HTT: variants seen among roughly 807,000 people sequenced by gnomAD.
HTT encodes the protein huntington disease protein.
A neutral mutation model predicts 362.3 loss-of-function variants in HTT; 104 were observed. That is an observed-to-expected ratio of 0.29 (90% CI 0.24 to 0.34). The LOEUF (loss-of-function observed/expected upper bound fraction) is 0.34. Ranked by LOEUF, HTT falls within the 10% of genes least tolerant of loss-of-function variation. HTT has a pLI of 1.00. For missense variants in HTT, 3,301 were observed against 3,928.6 expected (o/e 0.84, Z 4.27); for synonymous variants, 1,577 against 1,548.7 (o/e 1.02, Z -0.43).
chr4:3,186,507 T>C (rs1488622750), intron 37 of HTT, 90 bp from the exon 38 acceptor site: 3 of 1,399,938 alleles, frequency 2.1e-6, no homozygotes, highest in African/African-American at 1.4e-5. Context: ...ATGATTATGA[T>C]GATTTGCCCT....
chr4:3,125,530 T>G lies in HTT; in HGVS notation c.1322-19T>G, dbSNP rs1429614465. The G allele has an allele frequency of 1.9e-6, 3 of 1,574,426 alleles. No individual in the cohort carries two copies. Among genetic ancestry groups the G allele is most frequent in the Non-Finnish European group, 2.6e-6 (3 of 1,144,412 alleles). On this transcript the variant is annotated intron_variant, in intron 10 of 66. Transcript: ENST00000355072. ...TATTTTTAGCAAACTAAAAGGAATG[T>G]TGGTACATTATTTACTAGGCAAAGT...
At chr4:3,131,855 T>A (rs1578523075) in intron 16 of HTT, 80 bp downstream of exon 16, 5 of 1,386,986 alleles carry the variant, frequency 3.6e-6, no homozygotes, top group Non-Finnish European at 5.0e-6. Flanking sequence ...TATTTTAGTT[T>A]TAGAGCAGTA....
chr4:3,112,097 C>A (rs1413707425), intron 6 of HTT, among the ~76,000 whole-genome samples: 1 of 152,190 alleles, frequency 6.6e-6, no homozygotes, highest in Non-Finnish European at 1.5e-5. Flanking sequence ...TCTGTTCTTT[C>A]TGTTCGTGTA....
rs779366537 is a variant in HTT at position 3,224,121 on chromosome 4, G to A, written c.7755G>A (p.Pro2585=). Residue 2585 remains proline, a synonymous_variant, in exon 56 of 67, where the codon CCG becomes CCA. Coordinates refer to ENST00000355072, the MANE Select transcript of HTT (RefSeq NM_001388492.1). ...GGGATCCTGTCCCTTCTCTGTCTCCGGCTACTACAGGTACCTGAGGGAAAG... is the reference window on the plus strand; with the variant it reads ...GGGATCCTGTCCCTTCTCTGTCTCCAGCTACTACAGGTACCTGAGGGAAAG... The part of the protein sequence containing the change: ...QAWDPVPSLS[P]ATTGALISHE... The A allele has an allele frequency of 1.9e-4, 299 of 1,613,774 alleles. 1 individual carries two copies. Among genetic ancestry groups the A allele is most frequent in the Middle Eastern group, 1.2e-3 (7 of 6,080 alleles).
intron 46 of HTT, 116 bp from the exon 47 acceptor site, chr4:3,209,711 C>A: frequency 7.8e-7 from 1 of 1,275,568 alleles, no homozygotes; most frequent in Non-Finnish European, 1.1e-6. Context: ...CGGCCGGCAG[C>A]CCTCTCAGCC....
At chr4:3,090,162 GGTTATA>G (rs1410257485) in intron 2 of HTT, among the ~76,000 whole-genome samples, 1 of 152,108 alleles carries the variant, frequency 6.6e-6, no homozygotes, top group Non-Finnish European at 1.5e-5. Context: ...TCTCTAATGA[GGTTATA>G]TAAATGGCAG....
chr4:3,203,935 C>T (rs1174951038), intron 41 of HTT, 72 bp from the exon 42 acceptor site: 1 of 1,426,720 alleles, frequency 7.0e-7, no homozygotes, highest in East Asian at 2.3e-5. Context: ...TAAACATAAT[C>T]ATCTTCAGTA....
chr4:3,132,975 A>T, intron 18 of HTT, 64 bp downstream of exon 18: 3 of 1,190,112 alleles, frequency 2.5e-6, no homozygotes, highest in Non-Finnish European at 3.8e-6. Flanking sequence ...TGCTACAATT[A>T]AAATTGGAGC....
At chr4:3,142,657 G>A (rs1349187363) in intron 22 of HTT, 109 bp from the exon 23 acceptor site, 3 of 566,794 alleles carry the variant, frequency 5.3e-6, no homozygotes, top group Non-Finnish European at 9.2e-6. Context: ...TAAAAGTTGA[G>A]ACTGCTTAAC....
At chr4:3,147,099 A>G in intron 25 of HTT, 151 bp downstream of exon 25, 1 of 788,878 alleles carries the variant, frequency 1.3e-6, no homozygotes, top group Non-Finnish European at 2.2e-6. Flanking sequence ...TGTTACCTAT[A>G]TGCATAAACA....
intron 52 of HTT, among the ~76,000 whole-genome samples, chr4:3,219,047 G>C (rs1174694335): frequency 6.6e-6 from 1 of 152,230 alleles, no homozygotes; most frequent in African/African-American, 2.4e-5. Context: ...AGGGAATGAA[G>C]GTATTCCAGA....
chr4:3,133,300 G>A (rs1383283379), intron 18 of HTT, among the ~76,000 whole-genome samples: 7 of 148,258 alleles, frequency 4.7e-5, no homozygotes, highest in Non-Finnish European at 8.9e-5. Flanking sequence ...GGGCAACATA[G>A]TTGACCCTGT....
At chr4:3,225,016 G>A (rs979400743) in intron 56 of HTT, among the ~76,000 whole-genome samples, 1 of 152,186 alleles carries the variant, frequency 6.6e-6, no homozygotes. Flanking sequence ...CAGGGAAGGG[G>A]GCGTGGAGGC....
intron 33 of HTT, among the ~76,000 whole-genome samples, chr4:3,175,826 G>C (rs363137): frequency 6.6e-6 from 1 of 152,136 alleles, no homozygotes; most frequent in African/African-American, 2.4e-5. Flanking sequence ...ACTTTCTTAT[G>C]TGGGGTAGGA....
intron 61 of HTT, among the ~76,000 whole-genome samples, chr4:3,234,430 A>G (rs1191295900): frequency 6.6e-6 from 1 of 152,254 alleles, no homozygotes; most frequent in Non-Finnish European, 1.5e-5. Flanking sequence ...GCCAAGTCAC[A>G]CGGGGCACAG....
rs138886853 is a variant in HTT at position 3,107,455 on chromosome 4, G to C, written c.747+32G>C. 1.9e-6 allele frequency: 3 copies of C among 1,611,352 alleles called. No individual in the cohort carries two copies. The African/African-American group carries it at 4.0e-5, about 21-fold the overall frequency. ...TTGTTGCCTCAGGTCACAAACATGC[G>C]AGTGATGCTGTGAGTGAGTCTGTGG... On this transcript the variant is annotated intron_variant, in intron 6 of 66. Transcript: ENST00000355072.
At chr4:3,223,651 C>T (rs1337366580) in intron 55 of HTT, 91 bp downstream of exon 55, 19 of 1,161,396 alleles carry the variant, frequency 1.6e-5, no homozygotes, top group Non-Finnish European at 2.1e-5. Context: ...TCAACCAGGC[C>T]GTTTTCCTTC....
At chr4:3,180,793 TGCAGGGGGATGGGGAGGGAG>T (rs928508141) in intron 36 of HTT, 142 bp downstream of exon 36, 1 of 42,312 alleles carries the variant, frequency 2.4e-5, no homozygotes, top group African/African-American at 1.4e-4. Flanking sequence ...TAGATGCCGG[TGCAGGGGGATGGGGAGGGAG>T]GCGGGGGGTG....
rs1409260038 is a variant in HTT at position 3,242,751 on chromosome 4, G to A, written c.*2692G>A. ...AAGTTTTGGGGGTGGGCTGTGGGGA[G>A]ATTGCTTTTGTTTTCCTGCTGGTAA... On this transcript the variant is annotated 3_prime_UTR_variant, in exon 67 of 67. Coordinates refer to ENST00000355072, the MANE Select transcript of HTT (RefSeq NM_001388492.1). The A allele has an allele frequency of 6.6e-6, 1 of 152,232 alleles. No homozygotes were observed. 9.4% of individuals were successfully genotyped at this position (152,232 alleles called of 1,614,324 possible).
Sources: allele counts gnomAD v4.1 joint callset (sites outside exome capture counted in the v4.1 genomes callset), GRCh38; gene constraint gnomAD v4.1.1; transcripts MANE v1.5; gene names NCBI Gene and HGNC (gene_info 2026-07-23, HGNC 2026-07-21).